Variants in DSCAM observed in about 807,000 individuals in gnomAD.
DSCAM encodes the protein cell adhesion molecule DSCAM.
Under a neutral mutation model 217.7 loss-of-function variants are expected in DSCAM, and 47 were observed. That is an observed-to-expected ratio of 0.22 (90% CI 0.17 to 0.28). The LOEUF is 0.28. Among genes scored for constraint, DSCAM ranks in the 10% least tolerant of loss-of-function variants. DSCAM has a pLI of 1.00. For missense variants in DSCAM, 2,080 were observed against 2,618.3 expected (o/e 0.79, Z 4.49); for synonymous variants, 1,056 against 1,015.3 (o/e 1.04, Z -0.76).
chr21:40,768,476 G>A (rs536248914), intron 1 of DSCAM, among the ~76,000 whole-genome samples: 2 of 152,184 alleles, frequency 1.3e-5, no homozygotes, highest in Non-Finnish European at 2.9e-5. Context: ...TTCACTAACC[G>A]AAAGCATTCT....
intron 20 of DSCAM, among the ~76,000 whole-genome samples, chr21:40,102,548 T>A (rs546235121): frequency 2.0e-5 from 3 of 152,190 alleles, no homozygotes; most frequent in Non-Finnish European, 4.4e-5. Flanking sequence ...ATGGAAAGCC[T>A]GGGAACAGCG....
At chr21:40,770,067 T>G (rs1326234538) in intron 1 of DSCAM, among the ~76,000 whole-genome samples, 1 of 152,200 alleles carries the variant, frequency 6.6e-6, no homozygotes, top group Non-Finnish European at 1.5e-5. Flanking sequence ...AAGGTCATTT[T>G]TTTTTCTTTA....
At chr21:40,173,196 G>A (rs1460686506) in intron 15 of DSCAM, among the ~76,000 whole-genome samples, 1 of 152,168 alleles carries the variant, frequency 6.6e-6, no homozygotes. Flanking sequence ...AGTACACTGG[G>A]TGCTGATACA....
intron 3 of DSCAM, among the ~76,000 whole-genome samples, chr21:40,578,221 G>A (rs913874735): frequency 3.3e-5 from 5 of 152,126 alleles, no homozygotes; most frequent in African/African-American, 4.8e-5. Flanking sequence ...GAATAGCCCA[G>A]AGACACTCTT....
At chr21:40,495,409 C>G (rs1457552186) in intron 3 of DSCAM, among the ~76,000 whole-genome samples, 1 of 152,098 alleles carries the variant, frequency 6.6e-6, no homozygotes, top group Non-Finnish European at 1.5e-5. Flanking sequence ...TGGGATGCAC[C>G]ACATTACCAC....
intron 3 of DSCAM, among the ~76,000 whole-genome samples, chr21:40,498,286 C>T (rs1041000428): frequency 9.2e-5 from 14 of 152,106 alleles, no homozygotes; most frequent in African/African-American, 2.9e-4. Context: ...AAAGAGCTCA[C>T]TGTATTTCAG....
At chr21:40,277,722 C>T (rs2073706405) in intron 10 of DSCAM, among the ~76,000 whole-genome samples, 1 of 151,026 alleles carries the variant, frequency 6.6e-6, no homozygotes. Flanking sequence ...CAACTTCCGC[C>T]TCCTGGGTTC....
Position 40,314,781 on chromosome 21 carries a change from C to T in DSCAM, c.1784-2422G>A, listed in dbSNP as rs141302266. 9.9e-5 allele frequency among the ~76,000 whole-genome samples: 15 copies of T among 152,264 alleles called. No homozygotes were observed. In the East Asian group the frequency reaches 2.3e-3, roughly 24 times the overall value. On this transcript the variant is annotated intron_variant, in intron 8 of 32. Transcript: ENST00000400454. Reference sequence around the variant, plus strand: ...AGATAAGAACTTTGGAGCCAGGCTACTTTGGTTTAAGTTCAGCTATGCTAC... The same window carrying T: ...AGATAAGAACTTTGGAGCCAGGCTATTTTGGTTTAAGTTCAGCTATGCTAC...
intron 3 of DSCAM, among the ~76,000 whole-genome samples, chr21:40,553,791 T>C (rs889012548): frequency 6.6e-6 from 1 of 152,170 alleles, no homozygotes; most frequent in Non-Finnish European, 1.5e-5. Context: ...TTTTTTAACA[T>C]TCTGTGACAG....
At position 40,637,252 on chromosome 21, in the gene DSCAM, T is replaced by C. The variant is rs796527306; in HGVS notation, c.508+55558A>G. 4.3e-3 allele frequency among the ~76,000 whole-genome samples: 25 copies of C among 5,810 alleles called. 3 individuals carry two copies. Among genetic ancestry groups the C allele is most frequent in the South Asian group, 0.017 (1 of 60 alleles). The allele number at this position is 5,810 out of a possible 152,430, so 3.8% of individuals were successfully genotyped here. Reference sequence around the variant, plus strand: ...ATATATATAAATATAAATATATATATAAATATATATAAATATAAATATATA... The same window carrying C: ...ATATATATAAATATAAATATATATACAAATATATATAAATATAAATATATA... On this transcript the variant is annotated intron_variant, in intron 3 of 32. Transcript: ENST00000400454.
intron 1 of DSCAM, among the ~76,000 whole-genome samples, chr21:40,744,553 C>T (rs1222126482): frequency 6.6e-6 from 1 of 152,124 alleles, no homozygotes; most frequent in Non-Finnish European, 1.5e-5. Flanking sequence ...TAGTTCTAGT[C>T]CAGTGTTTAA....
At chr21:40,135,107 G>A (rs543799267) in intron 18 of DSCAM, among the ~76,000 whole-genome samples, 19 of 152,304 alleles carry the variant, frequency 1.2e-4, no homozygotes, top group Admixed American at 6.5e-4. Context: ...GAAATGAGTC[G>A]CCTTCAGAGC....
chr21:40,247,131 C>T (rs1458520752), intron 11 of DSCAM, among the ~76,000 whole-genome samples: 1 of 152,122 alleles, frequency 6.6e-6, no homozygotes, highest in African/African-American at 2.4e-5. Context: ...GATTTAATTA[C>T]CTCCAGCTAA....
intron 2 of DSCAM, among the ~76,000 whole-genome samples, chr21:40,699,719 G>A (rs931767723): frequency 2.0e-5 from 3 of 152,156 alleles, no homozygotes; most frequent in East Asian, 1.9e-4. Context: ...CAATTCCAGG[G>A]AGGCTTAGAG....
chr21:40,354,060 T>A (rs545834477), intron 4 of DSCAM, among the ~76,000 whole-genome samples: 1 of 152,296 alleles, frequency 6.6e-6, no homozygotes, highest in Admixed American at 6.5e-5. Context: ...TTTTCATAAC[T>A]GGGAATGTCA....
At chr21:40,462,841 C>T (rs1437871253) in intron 3 of DSCAM, among the ~76,000 whole-genome samples, 1 of 152,102 alleles carries the variant, frequency 6.6e-6, no homozygotes, top group Non-Finnish European at 1.5e-5. Context: ...GAGTTAGGTG[C>T]CACATGGTAA....
intron 21 of DSCAM, among the ~76,000 whole-genome samples, chr21:40,091,179 C>G (rs1177055390): frequency 1.3e-5 from 2 of 152,210 alleles, no homozygotes; most frequent in Non-Finnish European, 2.9e-5. Flanking sequence ...AAATCTAAAA[C>G]TGTTCTAAAA....
chr21:40,095,376 T>C (rs576377028), intron 20 of DSCAM, among the ~76,000 whole-genome samples: 2 of 152,274 alleles, frequency 1.3e-5, no homozygotes, highest in East Asian at 1.9e-4. Context: ...TAGAAAGGAA[T>C]GAAGTACTGA....
intron 11 of DSCAM, among the ~76,000 whole-genome samples, chr21:40,190,145 C>T (rs772356527): frequency 1.3e-5 from 2 of 152,152 alleles, no homozygotes; most frequent in African/African-American, 4.8e-5. Context: ...GAAAAGGGAA[C>T]CCTTTATTTG....
Sources: allele counts gnomAD v4.1 joint callset (sites outside exome capture counted in the v4.1 genomes callset), GRCh38; gene constraint gnomAD v4.1.1; transcripts MANE v1.5; gene names NCBI Gene and HGNC (gene_info 2026-07-23, HGNC 2026-07-21).